UBR3: variants seen among roughly 807,000 people sequenced by gnomAD.
UBR3 encodes ubiquitin protein ligase E3 component n-recognin 3, also known as E3 ubiquitin-protein ligase UBR3.
Under a neutral mutation model 243.2 loss-of-function variants are expected in UBR3, and 85 were observed. The observed-to-expected ratio is 0.35, with a 90% confidence interval of 0.29 to 0.42. The LOEUF (loss-of-function observed/expected upper bound fraction) is 0.42. UBR3 is among the 10% of genes least tolerant of loss of function. The pLI is 1.00. For missense variants in UBR3, 1,686 were observed against 2,300.8 expected, an observed-to-expected ratio of 0.73 and a Z score of 5.47; for synonymous variants, 748 against 799.8, an observed-to-expected ratio of 0.94 and a Z score of 1.09.
chr2:169,966,025 C>G (rs1017413291), intron 24 of UBR3, among the ~76,000 whole-genome samples: 2 of 152,124 alleles, frequency 1.3e-5, no homozygotes, highest in Non-Finnish European at 2.9e-5. Flanking sequence ...GAAAACTTTT[C>G]TCTCTGAATG....
In UBR3 at chr2:170,015,304, T is replaced by C. The variant is rs1348654094; in HGVS notation, c.4391T>C (p.Ile1464Thr). The C allele has an allele frequency of 6.2e-7, 1 of 1,610,804 alleles. No individual in the cohort carries two copies. The highest frequency in any genetic ancestry group is 1.1e-5 in the South Asian group (1 of 90,750). ...AGAACCAATTTAGAACTTGAATTGA[T>C]TCATCGAGGAGGCAATTTGTGTTCA... ...VARTNLELEL[I>T]HRGGNLCSGG... The change falls in exon 30 of 39, where the codon ATT becomes ACT. Residue 1464 changes from isoleucine to threonine, a missense_variant. Coordinates refer to ENST00000272793, the MANE Select transcript of UBR3 (RefSeq NM_172070.4).
At chr2:170,067,400 A>C (rs2091596792) in intron 35 of UBR3, among the ~76,000 whole-genome samples, 1 of 152,234 alleles carries the variant, frequency 6.6e-6, no homozygotes. Flanking sequence ...AGGAAGAAAC[A>C]GACAAATCTA....
At chr2:169,947,469 G>T (rs1434151125) in intron 21 of UBR3, 73 bp from the exon 22 acceptor site, 128 of 1,192,936 alleles carry the variant, frequency 1.1e-4, no homozygotes, top group Non-Finnish European at 1.4e-4. Context: ...GATTTTGGGG[G>T]GCTTGTTACA....
At chr2:169,919,170 A>G (rs973263662) in intron 11 of UBR3, among the ~76,000 whole-genome samples, 1 of 152,226 alleles carries the variant, frequency 6.6e-6, no homozygotes, top group Non-Finnish European at 1.5e-5. Context: ...TTTATGTGAC[A>G]GAAGATGAGG....
intron 26 of UBR3, among the ~76,000 whole-genome samples, chr2:169,998,517 T>C (rs1004093482): frequency 6.6e-6 from 1 of 152,214 alleles, no homozygotes; most frequent in Non-Finnish European, 1.5e-5. Flanking sequence ...GGTCCAGGGC[T>C]ATGCCTCATG....
rs950587097 is a variant in UBR3 at position 169,864,433 on chromosome 2, A to G, written c.546-7803A>G. Among the ~76,000 whole-genome samples the G allele has an allele frequency of 5.9e-5, 9 of 152,110 alleles. No individual in the cohort carries two copies. In the East Asian group the frequency reaches 1.7e-3, roughly 29 times the overall value. The stretch of plus-strand genomic sequence containing the variant: ...AAATTTGAACAACTGGGATTATTAA[A>G]TGGGTCGCAGATTATTATTTAATTG... On this transcript the variant is annotated intron_variant, in intron 1 of 38. Transcript: ENST00000272793.
chr2:169,874,231 C>T (rs997377714), intron 2 of UBR3, among the ~76,000 whole-genome samples: 11 of 150,882 alleles, frequency 7.3e-5, no homozygotes, highest in Admixed American at 1.3e-4. Context: ...TGCAGTGGTG[C>T]GATGTCAGCT....
At chr2:170,064,739 T>C (rs1407022213) in intron 35 of UBR3, among the ~76,000 whole-genome samples, 1 of 151,886 alleles carries the variant, frequency 6.6e-6, no homozygotes, top group Non-Finnish European at 1.5e-5. Context: ...TGTGGTTTTA[T>C]TATAGACATT....
chr2:170,033,323 T>C (rs2090729750), intron 31 of UBR3, among the ~76,000 whole-genome samples: 2 of 152,044 alleles, frequency 1.3e-5, no homozygotes, highest in African/African-American at 4.8e-5. Flanking sequence ...TTTGCATATA[T>C]AATCTCATTT....
intron 23 of UBR3, among the ~76,000 whole-genome samples, chr2:169,958,107 T>C (rs1313624011): frequency 1.3e-5 from 2 of 152,232 alleles, no homozygotes; most frequent in Admixed American, 6.5e-5. Context: ...TAAAAAAATA[T>C]GTTCTTGGTC....
At chr2:169,831,123 A>AT (rs1209032012) in intron 1 of UBR3, among the ~76,000 whole-genome samples, 2 of 56,558 alleles carry the variant, frequency 3.5e-5, no homozygotes, top group African/African-American at 1.2e-4. Context: ...ATATATATAT[A>AT]TATATTTTTT....
chr2:169,854,883 T>G (rs2082783643), intron 1 of UBR3, among the ~76,000 whole-genome samples: 1 of 152,166 alleles, frequency 6.6e-6, no homozygotes, highest in African/African-American at 2.4e-5. Flanking sequence ...TCATCTTTAA[T>G]GCTGGTATTA....
At chr2:169,888,989 T>G (rs2084220541) in intron 5 of UBR3, among the ~76,000 whole-genome samples, 1 of 152,208 alleles carries the variant, frequency 6.6e-6, no homozygotes, top group African/African-American at 2.4e-5. Flanking sequence ...CTTGTCTGAT[T>G]ATTTCTTTGG....
chr2:169,928,996 A>T (rs898860398), intron 18 of UBR3, 128 bp downstream of exon 18: 6 of 794,568 alleles, frequency 7.6e-6, no homozygotes, highest in Non-Finnish European at 1.0e-5. Flanking sequence ...CCATTTTGTT[A>T]TAAATGTATG....
intron 5 of UBR3, among the ~76,000 whole-genome samples, chr2:169,881,272 C>T (rs1213518653): frequency 6.6e-6 from 1 of 151,624 alleles, no homozygotes; most frequent in East Asian, 1.9e-4. Context: ...CTCCACCTCC[C>T]GGGTTCAAGC....
chr2:169,836,067 A>ATATTTTTTTT (rs1558999159), intron 1 of UBR3, among the ~76,000 whole-genome samples: 1 of 32,666 alleles, frequency 3.1e-5, no homozygotes. Context: ...ATATATATAT[A>ATATTTTTTTT]TTTTTTTTTT....
intron 36 of UBR3, among the ~76,000 whole-genome samples, chr2:170,076,514 G>C (rs10930397): frequency 0.71 from 108,207 of 152,012 alleles, 39,392 homozygotes; most frequent in East Asian, 0.88. Context: ...CATTGTTCCT[G>C]TCATTTGTAC....
In UBR3 at chr2:169,926,931, T is replaced by TA; in HGVS notation, c.2299dup (p.Thr767AsnfsTer17). The TA allele has an allele frequency of 6.4e-7, 1 of 1,551,168 alleles. No individual in the cohort carries two copies. The highest frequency in any genetic ancestry group is 8.7e-7 in the Non-Finnish European group (1 of 1,146,574). The stretch of plus-strand genomic sequence containing the variant: ...AGAGGTCGATGTTAGAAGGCGCTCT[T>TA]ACATTTCTTGTGATTCTTTTGAGTC... On this transcript the variant is annotated frameshift_variant, in exon 16 of 39. Transcript: ENST00000272793. LOFTEE classifies it high-confidence loss of function.
At chr2:169,883,211 T>G (rs114223240) in intron 5 of UBR3, among the ~76,000 whole-genome samples, 1 of 152,218 alleles carries the variant, frequency 6.6e-6, no homozygotes, top group African/African-American at 2.4e-5. Flanking sequence ...GGCTTCACAC[T>G]GAGACGGAGA....
Sources: gnomAD v4.1 joint callset for allele counts (sites outside exome capture counted in the v4.1 genomes callset) on GRCh38, gnomAD v4.1.1 for gene constraint, MANE v1.5 for transcripts, NCBI Gene and HGNC (gene_info 2026-07-23, HGNC 2026-07-21) for gene names.